COL5A2: variants seen among roughly 807,000 people sequenced by gnomAD.
The protein encoded by COL5A2 is collagen type V alpha 2 chain, also known as collagen alpha-2(V) chain.
COL5A2 carries 23 observed loss-of-function variants against 208.2 expected under a neutral mutation model. That is an observed-to-expected ratio of 0.11 (90% CI 0.08 to 0.16). The LOEUF (loss-of-function observed/expected upper bound fraction) is 0.16. Among genes scored for constraint, COL5A2 ranks in the 10% least tolerant of loss-of-function variants. COL5A2 has a pLI of 1.00. For missense variants in COL5A2, 1,590 were observed against 1,956.4 expected, an observed-to-expected ratio of 0.81 and a Z score of 3.53; for synonymous variants, 625 against 628.5, an observed-to-expected ratio of 0.99 and a Z score of 0.08.
intron 1 of COL5A2, among the ~76,000 whole-genome samples, chr2:189,200,720 G>A (rs1689058027): frequency 6.8e-6 from 1 of 147,464 alleles, no homozygotes; most frequent in Non-Finnish European, 1.5e-5. Context: ...AGAAAATGCA[G>A]CCAGAATAAA....
chr2:189,256,458 G>A, the COL5A2 span, among the ~76,000 whole-genome samples: 3,913 of 152,242 alleles, frequency 0.026, 178 homozygotes, highest in African/African-American at 0.09. Flanking sequence ...AACCAGGCAT[G>A]TAGAGTTCTG....
At chr2:189,281,912 A>G in the COL5A2 span, among the ~76,000 whole-genome samples, 2 of 152,230 alleles carry the variant, frequency 1.3e-5, no homozygotes, top group Non-Finnish European at 2.9e-5. Flanking sequence ...GGCTGGGCGC[A>G]CTGGCTCATG....
At chr2:189,240,614 G>A in the COL5A2 span, among the ~76,000 whole-genome samples, 3 of 152,252 alleles carry the variant, frequency 2.0e-5, no homozygotes, top group African/African-American at 7.2e-5. Context: ...TTTATGTCTT[G>A]ACTCTGCTTT....
chr2:189,364,328 A>G, the COL5A2 span, among the ~76,000 whole-genome samples: 1 of 152,194 alleles, frequency 6.6e-6, no homozygotes, highest in African/African-American at 2.4e-5. Flanking sequence ...AGACTGAATT[A>G]CCTTCTGACT....
At chr2:189,209,139 A>G (rs1689177656) in intron 1 of COL5A2, among the ~76,000 whole-genome samples, 1 of 152,146 alleles carries the variant, frequency 6.6e-6, no homozygotes, top group African/African-American at 2.4e-5. Flanking sequence ...AGAAGCTTCT[A>G]CAGTGATTCC....
chr2:189,225,634 T>C (rs950220897), upstream of COL5A2, among the ~76,000 whole-genome samples: 10 of 152,110 alleles, frequency 6.6e-5, no homozygotes, highest in African/African-American at 2.4e-4. Flanking sequence ...AAAAATAGTT[T>C]TTCAGCAAAA....
intron 1 of COL5A2, among the ~76,000 whole-genome samples, chr2:189,187,034 C>T (rs1358282060): frequency 1.3e-5 from 2 of 152,132 alleles, no homozygotes; most frequent in Non-Finnish European, 2.9e-5. Flanking sequence ...TGTGCTGTCT[C>T]CTAAGGCATC....
chr2:189,134,443 G>T lies in COL5A2; in HGVS notation c.98-23994C>A, dbSNP rs534290646. Among the ~76,000 whole-genome samples, 5 of 152,242 alleles carry T rather than the reference G, an allele frequency of 3.3e-5. No individual in the cohort carries two copies. In the South Asian group the frequency reaches 1.0e-3, roughly 32 times the overall value. The stretch of plus-strand genomic sequence containing the variant: ...GTCTCCACTAAAAATACAAAAATTA[G>T]CCAGGTGTGGTGGCACGTGCCTGTA... On this transcript the variant is annotated intron_variant, in intron 1 of 53. Transcript: ENST00000374866.
At chr2:189,297,974 G>C in the COL5A2 span, among the ~76,000 whole-genome samples, 3 of 151,774 alleles carry the variant, frequency 2.0e-5, no homozygotes, top group Non-Finnish European at 4.4e-5. Flanking sequence ...GTAACTTTTG[G>C]TTATTAAAAT....
Position 189,061,577 on chromosome 2 carries a change from G to A in COL5A2, c.2016C>T (p.Gly672=). 1 of 1,613,024 alleles carries A rather than the reference G, an allele frequency of 6.2e-7. No individual in the cohort carries two copies. Among genetic ancestry groups the A allele is most frequent in the East Asian group, 2.2e-5 (1 of 44,772 alleles). The change falls in exon 30 of 54, where the codon GGC becomes GGT. Residue 672 remains glycine (G), a synonymous_variant. Transcript: ENST00000374866. ...AGERGEQGPP[G]PTGFQGLPGP... is the part of the protein sequence containing the mutation. ...TAGTGCATACCTGAAAACCTGTGGG[G>A]CCTGGAGGTCCTTGTTCTCCTCTTT...
intron 1 of COL5A2, among the ~76,000 whole-genome samples, chr2:189,167,004 G>A (rs1688477176): frequency 6.6e-6 from 1 of 152,194 alleles, no homozygotes; most frequent in African/African-American, 2.4e-5. Flanking sequence ...TCCAGATGGA[G>A]CTTAGTGCAA....
intron 1 of COL5A2, among the ~76,000 whole-genome samples, chr2:189,152,319 G>A (rs1688160832): frequency 6.6e-6 from 1 of 152,190 alleles, no homozygotes; most frequent in African/African-American, 2.4e-5. Context: ...AGCACTCCAT[G>A]CCTTCCGGGC....
chr2:189,041,729 A>G (rs1559074835), intron 49 of COL5A2, 36 bp from the exon 50 acceptor site: 2 of 1,488,318 alleles, frequency 1.3e-6, no homozygotes, highest in Non-Finnish European at 1.9e-6. Context: ...AGATTCTATG[A>G]AGGAAAAATT....
chr2:189,312,372 C>A, the COL5A2 span, among the ~76,000 whole-genome samples: 4 of 152,172 alleles, frequency 2.6e-5, no homozygotes, highest in Admixed American at 2.0e-4. Context: ...TCCCACGCCG[C>A]CCCAGAAGCT....
chr2:189,056,607 C>T (rs1003501795), intron 35 of COL5A2, among the ~76,000 whole-genome samples: 1 of 151,994 alleles, frequency 6.6e-6, no homozygotes, highest in African/African-American at 2.4e-5. Context: ...TTGGTGACTC[C>T]ACAAAGCTCT....
upstream of COL5A2, among the ~76,000 whole-genome samples, chr2:189,180,607 T>A (rs1158753486): frequency 1.3e-5 from 2 of 152,168 alleles, no homozygotes; most frequent in African/African-American, 4.8e-5. Context: ...GCACTCCAAT[T>A]TTCTCATTTG....
At chr2:189,260,316 G>A in the COL5A2 span, among the ~76,000 whole-genome samples, 5 of 152,160 alleles carry the variant, frequency 3.3e-5, no homozygotes, top group African/African-American at 1.2e-4. Context: ...TAACCTAGGA[G>A]TACAGTGCCT....
At chr2:189,344,281 C>T in the COL5A2 span, among the ~76,000 whole-genome samples, 1 of 152,142 alleles carries the variant, frequency 6.6e-6, no homozygotes. Flanking sequence ...AAACAGTTTC[C>T]ATGGCAGTTT....
chr2:189,047,900 A>G (rs541535485), intron 45 of COL5A2, among the ~76,000 whole-genome samples: 8 of 152,348 alleles, frequency 5.3e-5, no homozygotes, highest in East Asian at 1.9e-4. Context: ...TTTGGCTTTC[A>G]TGCTTTTGTT....
Sources: gnomAD v4.1 joint callset for allele counts (sites outside exome capture counted in the v4.1 genomes callset) on GRCh38, gnomAD v4.1.1 for gene constraint, MANE v1.5 for transcripts, NCBI Gene and HGNC (gene_info 2026-07-23, HGNC 2026-07-21) for gene names.